Variants in NAV3 observed in about 807,000 individuals in gnomAD.
NAV3 encodes neuron navigator 3.
NAV3 carries 87 observed loss-of-function variants against 244.7 expected under a neutral mutation model. The ratio of observed to expected loss-of-function variants is 0.36; its 90% CI spans 0.30 to 0.42. The LOEUF (loss-of-function observed/expected upper bound fraction) is 0.42. NAV3 is among the 20% of genes least tolerant of loss of function. The pLI is 1.00. For missense variants in NAV3, 2,663 were observed against 2,893.3 expected (o/e 0.92, Z 1.83); for synonymous variants, 1,126 against 1,042.2 (o/e 1.08, Z -1.55).
chr12:77,906,698 A>G (rs561168041), intron 1 of NAV3, among the ~76,000 whole-genome samples: 3 of 152,234 alleles, frequency 2.0e-5, no homozygotes, highest in Admixed American at 2.0e-4. Flanking sequence ...TCCTTAGTAA[A>G]ATGGAAATAA....
At chr12:77,701,003 T>C (rs1032013055) in intron 2 of NAV3, among the ~76,000 whole-genome samples, 11 of 151,904 alleles carry the variant, frequency 7.2e-5, no homozygotes, top group Admixed American at 2.0e-4. Flanking sequence ...ATGAGGTTTA[T>C]TGTCCAAAAT....
intron 20 of NAV3, among the ~76,000 whole-genome samples, chr12:78,141,903 C>A (rs1956631564): frequency 6.6e-6 from 1 of 151,992 alleles, no homozygotes; most frequent in Non-Finnish European, 1.5e-5. Context: ...GATGTAGCAT[C>A]ATTATTATTC....
chr12:77,964,992 C>T (rs553339670), intron 3 of NAV3, among the ~76,000 whole-genome samples: 89 of 151,960 alleles, frequency 5.9e-4, no homozygotes, highest in Non-Finnish European at 9.9e-4. Flanking sequence ...GACATTTTGA[C>T]CTTGCTATGA....
At chr12:77,762,363 C>A (rs372120814) in intron 2 of NAV3, among the ~76,000 whole-genome samples, 19 of 152,184 alleles carry the variant, frequency 1.2e-4, no homozygotes, top group African/African-American at 4.3e-4. Context: ...ACAATTATGA[C>A]ACTTGTCTAC....
At chr12:77,804,176 G>T (rs1293856415) in intron 2 of NAV3, among the ~76,000 whole-genome samples, 4 of 151,958 alleles carry the variant, frequency 2.6e-5, no homozygotes, top group Admixed American at 2.6e-4. Flanking sequence ...GTCAATTTTG[G>T]CTTTTGTTGC....
chr12:78,212,259 GT>G lies in NAV3; in HGVS notation c.*1746del, dbSNP rs551034579. 266 of 152,702 alleles carry G rather than the reference GT, an allele frequency of 1.7e-3. 1 individual carries two copies. Among genetic ancestry groups the G allele is most frequent in the Non-Finnish European group, 2.0e-3 (134 of 68,028 alleles). 9.5% of individuals were successfully genotyped at this position (152,702 alleles called of 1,614,324 possible). On this transcript the variant is annotated 3_prime_UTR_variant, in exon 40 of 40. Coordinates refer to ENST00000397909, the MANE Select transcript of NAV3 (RefSeq NM_001024383.2). The stretch of plus-strand genomic sequence containing the variant: ...AGTTACCACCACACACAAAGGACAG[GT>G]TTTAAGTTTATGAAACCCAAGGGCT...
At chr12:77,835,513 G>T (rs1453764382) in intron 1 of NAV3, among the ~76,000 whole-genome samples, 1 of 152,132 alleles carries the variant, frequency 6.6e-6, no homozygotes, top group Non-Finnish European at 1.5e-5. Context: ...TAGTGCAAAT[G>T]CCATCATTCC....
rs930611187 is a variant in NAV3 at position 78,048,571 on chromosome 12, C to T, written c.2024-1422C>T. On this transcript the variant is annotated intron_variant, in intron 9 of 39. Coordinates refer to ENST00000397909, the MANE Select transcript of NAV3 (RefSeq NM_001024383.2). ...GGCTGCAGAACAGCAAAGATTGCTG[C>T]CTCTTCCTTCCTCTGGAAGCTTCAT... Among the ~76,000 whole-genome samples, 34 of 152,312 alleles carry T rather than the reference C, an allele frequency of 2.2e-4. 1 individual carries two copies. The highest frequency in any genetic ancestry group is 2.2e-3 in the Admixed American group (34 of 15,308).
chr12:78,041,087 T>C (rs1444802725), intron 9 of NAV3, among the ~76,000 whole-genome samples: 1 of 152,190 alleles, frequency 6.6e-6, no homozygotes, highest in African/African-American at 2.4e-5. Flanking sequence ...AGGAAGAATG[T>C]GATCAGTCTC....
intron 13 of NAV3, among the ~76,000 whole-genome samples, chr12:78,117,163 A>ATATATATATG: frequency 1.1e-5 from 1 of 93,138 alleles, no homozygotes; most frequent in African/African-American, 4.6e-5. Context: ...AGCAGCATAT[A>ATATATATATG]TATATATATA....
intron 12 of NAV3, among the ~76,000 whole-genome samples, chr12:78,084,007 T>C (rs1404398281): frequency 6.6e-6 from 1 of 152,212 alleles, no homozygotes; most frequent in East Asian, 1.9e-4. Context: ...TTTTATCTAC[T>C]CTGCTCCTGT....
intron 9 of NAV3, among the ~76,000 whole-genome samples, chr12:78,046,243 G>A (rs1050911027): frequency 6.6e-6 from 1 of 152,078 alleles, no homozygotes; most frequent in Non-Finnish European, 1.5e-5. Flanking sequence ...GTTCTGCTCT[G>A]ATCTTAGTTA....
intron 12 of NAV3, among the ~76,000 whole-genome samples, chr12:78,082,044 G>T (rs757416772): frequency 2.0e-5 from 3 of 152,138 alleles, no homozygotes; most frequent in Non-Finnish European, 2.9e-5. Context: ...TGGGGACAGG[G>T]CTTTCCCATG....
At chr12:78,114,641 C>A (rs1443803839) in intron 12 of NAV3, among the ~76,000 whole-genome samples, 1 of 152,146 alleles carries the variant, frequency 6.6e-6, no homozygotes, top group East Asian at 1.9e-4. Flanking sequence ...CCAACGGGTT[C>A]CTCCCATGAC....
chr12:77,966,439 G>T (rs952081121), intron 4 of NAV3, 138 bp downstream of exon 4: 9 of 674,922 alleles, frequency 1.3e-5, no homozygotes, highest in South Asian at 2.0e-5. Context: ...CAAGACAACC[G>T]AAACATAAAC....
chr12:78,050,649 A>G (rs1882604714), intron 10 of NAV3, 115 bp from the exon 11 acceptor site: 1 of 1,063,076 alleles, frequency 9.4e-7, no homozygotes, highest in East Asian at 2.4e-5. Flanking sequence ...GCTTTCGGGA[A>G]GATGACGTGT....
intron 2 of NAV3, among the ~76,000 whole-genome samples, chr12:77,616,749 C>G (rs1455006220): frequency 6.6e-6 from 1 of 152,044 alleles, no homozygotes; most frequent in African/African-American, 2.4e-5. Context: ...CACACACACA[C>G]ACACGATTAT....
chr12:77,995,364 G>T (rs1018612487), intron 6 of NAV3, among the ~76,000 whole-genome samples: 1 of 152,076 alleles, frequency 6.6e-6, no homozygotes, highest in Non-Finnish European at 1.5e-5. Flanking sequence ...TATGACACAG[G>T]TATAATAAAG....
intron 2 of NAV3, among the ~76,000 whole-genome samples, chr12:77,741,148 C>CAAAAAAAAAAAAAAAAAAAAAAACA: frequency 1.5e-5 from 1 of 68,668 alleles, no homozygotes; most frequent in African/African-American, 5.9e-5. Flanking sequence ...AAAAAAAAGA[C>CAAAAAAAAAAAAAAAAAAAAAAACA]AAAAAAAAAA....
Sources: gnomAD v4.1 joint callset for allele counts (sites outside exome capture counted in the v4.1 genomes callset) on GRCh38, gnomAD v4.1.1 for gene constraint, MANE v1.5 for transcripts, NCBI Gene and HGNC (gene_info 2026-07-23, HGNC 2026-07-21) for gene names.